The following VPS35L variants were observed in gnomAD, a reference collection of about 807,000 sequenced individuals.
The protein encoded by VPS35L is VPS35 endosomal protein sorting factor like.
In VPS35L, 83 loss-of-function variants were observed where a neutral mutation model predicts 133.0. That is an observed-to-expected ratio of 0.62 (90% CI 0.52 to 0.75). The LOEUF (loss-of-function observed/expected upper bound fraction) is 0.75, where lower values mean the gene tolerates loss of function less well. Among genes scored for constraint, VPS35L ranks in the 30% least tolerant of loss-of-function variants. The probability of loss-of-function intolerance (pLI) is 0.00; values close to 1 mark genes in which losing one functional copy is unlikely to be tolerated. For synonymous variants in VPS35L, 423 were observed against 449.9 expected (o/e 0.94, Z 0.76); for missense variants, 1,083 against 1,206.8 (o/e 0.90, Z 1.52).
intron 27 of VPS35L, among the ~76,000 whole-genome samples, 194 bp downstream of exon 27, chr16:19,669,493 G>A (rs563319848): frequency 6.6e-6 from 1 of 152,148 alleles, no homozygotes; most frequent in Non-Finnish European, 1.5e-5. Context: ...TAGTAGAGGT[G>A]AGGTACTATG....
At chr16:19,690,635 A>G (rs1975636407) in intron 28 of VPS35L, among the ~76,000 whole-genome samples, 1 of 152,142 alleles carries the variant, frequency 6.6e-6, no homozygotes, top group Non-Finnish European at 1.5e-5. Context: ...TCTGAGCCTC[A>G]TCTCCCTAAA....
intron 12 of VPS35L, among the ~76,000 whole-genome samples, chr16:19,612,240 T>G (rs1972747468): frequency 1.4e-5 from 2 of 145,516 alleles, no homozygotes; most frequent in Admixed American, 1.3e-4. Context: ...CCCGGCCTTT[T>G]TTTGTTTTGT....
At chr16:19,637,717 CTCAG>C in intron 20 of VPS35L, 61 bp downstream of exon 20, 1 of 1,218,258 alleles carries the variant, frequency 8.2e-7, no homozygotes, top group Non-Finnish European at 1.2e-6. Flanking sequence ...TTCTCATTGT[CTCAG>C]TAATGTTTTC....
intron 15 of VPS35L, among the ~76,000 whole-genome samples, chr16:19,626,762 A>G (rs779134785): frequency 6.6e-6 from 1 of 152,184 alleles, no homozygotes; most frequent in Non-Finnish European, 1.5e-5. Context: ...CGCTGTCTCA[A>G]AAAACAAAAG....
At chr16:19,604,987 G>A (rs1972497654) in intron 9 of VPS35L, among the ~76,000 whole-genome samples, 1 of 152,128 alleles carries the variant, frequency 6.6e-6, no homozygotes, top group Non-Finnish European at 1.5e-5. Context: ...TGGGTTTATT[G>A]TATTATGGTT....
Position 19,639,775 on chromosome 16 carries a change from C to T in VPS35L, c.1699-240C>T, listed in dbSNP as rs12934226. 0.068 allele frequency among the ~76,000 whole-genome samples: 10,272 copies of T among 152,130 alleles called. 636 individuals carry two copies. The highest frequency in any genetic ancestry group is 0.15 in the African/African-American group (6,428 of 41,492). On this transcript the variant is annotated intron_variant, in intron 20 of 30. Coordinates refer to ENST00000417362, the MANE Select transcript of VPS35L (RefSeq NM_020314.7). The surrounding 1 kb of genome is among the most constrained non-coding windows in gnomAD (Gnocchi z 4.1). ...AACTCCTGGCCTCAAGTGATCCACC[C>T]GCCTCAGCCTCCCAAAGTGCTGGGA...
chr16:19,595,499 C>T (rs1244605008), intron 8 of VPS35L, among the ~76,000 whole-genome samples: 3 of 152,174 alleles, frequency 2.0e-5, no homozygotes, highest in East Asian at 3.9e-4. Flanking sequence ...CTGGCAGTCT[C>T]ATTCCTCCCG....
At chr16:19,677,999 A>C (rs1484871101) in intron 27 of VPS35L, among the ~76,000 whole-genome samples, 1 of 152,222 alleles carries the variant, frequency 6.6e-6, no homozygotes, top group Non-Finnish European at 1.5e-5. Context: ...ATGAAGGGTC[A>C]GCAGCTGGTC....
chr16:19,559,654 G>C (rs559484159), intron 1 of VPS35L, among the ~76,000 whole-genome samples: 149 of 152,170 alleles, frequency 9.8e-4, no homozygotes, highest in African/African-American at 3.5e-3. Flanking sequence ...AAATATGATG[G>C]TTTACTGTGG....
chr16:19,599,190 A>G (rs892081067), intron 8 of VPS35L, among the ~76,000 whole-genome samples: 1 of 152,246 alleles, frequency 6.6e-6, no homozygotes, highest in African/African-American at 2.4e-5. Flanking sequence ...AGTGCTTCTC[A>G]TACTCAGCTG....
intron 9 of VPS35L, among the ~76,000 whole-genome samples, chr16:19,607,249 C>T (rs1401434161): frequency 6.6e-6 from 1 of 152,166 alleles, no homozygotes; most frequent in East Asian, 1.9e-4. Context: ...GCCGATGGGC[C>T]AGCTAGCCCC....
chr16:19,604,125 GT>G (rs575369741), intron 9 of VPS35L, among the ~76,000 whole-genome samples: 2,090 of 135,220 alleles, frequency 0.015, 20 homozygotes, highest in Middle Eastern at 0.039. Context: ...ACCAAAATAG[GT>G]TTTTTTTTTT....
chr16:19,632,462 T>A (rs924980236), intron 18 of VPS35L, among the ~76,000 whole-genome samples: 1 of 152,228 alleles, frequency 6.6e-6, no homozygotes, highest in East Asian at 1.9e-4. Flanking sequence ...TCCCTGTAAT[T>A]TATTTGTTGA....
At chr16:19,576,696 G>C (rs1971550204) in intron 5 of VPS35L, among the ~76,000 whole-genome samples, 1 of 152,044 alleles carries the variant, frequency 6.6e-6, no homozygotes, top group African/African-American at 2.4e-5. Flanking sequence ...CAGCACGTTA[G>C]AAATCAAGAG....
At chr16:19,683,607 C>T (rs1016194992) in intron 28 of VPS35L, among the ~76,000 whole-genome samples, 2 of 152,214 alleles carry the variant, frequency 1.3e-5, no homozygotes, top group Non-Finnish European at 2.9e-5. Context: ...CAGTTGCACC[C>T]ATGTTGCCAC....
Position 19,650,471 on chromosome 16 carries a change from A to G in VPS35L, c.2106+12A>G. The G allele has an allele frequency of 6.2e-7, 1 of 1,607,286 alleles. No individual in the cohort carries two copies. Among genetic ancestry groups the G allele is most frequent in the Non-Finnish European group, 8.5e-7 (1 of 1,173,778 alleles). On this transcript the variant is annotated intron_variant, in intron 25 of 30. Coordinates refer to ENST00000417362, the MANE Select transcript of VPS35L (RefSeq NM_020314.7). The stretch of plus-strand genomic sequence containing the variant: ...CTGCATTTGTCCGGGTATGTTCTTA[A>G]GATAAGGACTGTTGGACCTCGAACT...
At chr16:19,617,020 T>C in intron 14 of VPS35L, 1 of 738,098 alleles carries the variant, frequency 1.4e-6, no homozygotes, top group South Asian at 1.7e-5. Flanking sequence ...AAGGGGAATG[T>C]GGTAGCTCCA....
chr16:19,627,207 C>T (rs904603924), intron 15 of VPS35L, among the ~76,000 whole-genome samples: 3 of 150,764 alleles, frequency 2.0e-5, no homozygotes, highest in Admixed American at 1.3e-4. Context: ...CACTTGAACC[C>T]GGGAGGTGGA....
At chr16:19,569,300 T>C in intron 2 of VPS35L, 124 bp from the exon 3 acceptor site, 1 of 1,088,800 alleles carries the variant, frequency 9.2e-7, no homozygotes, top group South Asian at 1.3e-5. Context: ...CTGCAGATGG[T>C]TAAGTCTCTG....
Sources: allele counts gnomAD v4.1 joint callset (sites outside exome capture counted in the v4.1 genomes callset), GRCh38; gene constraint gnomAD v4.1.1; non-coding constraint Gnocchi (gnomAD v3.1); transcripts MANE v1.5; gene names NCBI Gene and HGNC (gene_info 2026-07-23, HGNC 2026-07-21).